Variants in PLCH2 observed in about 807,000 individuals in gnomAD.
PLCH2 encodes the protein phospholipase C eta 2, also known as 1-phosphatidylinositol 4,5-bisphosphate phosphodiesterase eta-2.
Under a neutral mutation model 134.7 loss-of-function variants are expected in PLCH2, and 98 were observed. The ratio of observed to expected loss-of-function variants is 0.73; its 90% confidence interval spans 0.62 to 0.86. PLCH2 has a LOEUF of 0.86. PLCH2 is among the 40% of genes least tolerant of loss of function. PLCH2 has a pLI of 0.00. For missense variants in PLCH2, 1,994 were observed against 1,986.6 expected (o/e 1.00, Z -0.07); for synonymous variants, 974 against 827.5 (o/e 1.18, Z -3.04).
chr1:2,448,896 C>T lies in PLCH2; in HGVS notation c.115+18267C>T, dbSNP rs1012202087. On this transcript the variant is annotated intron_variant, in intron 2 of 3. Transcript: ENST00000609981. The surrounding 1 kb of genome is among the most constrained non-coding windows in gnomAD (Gnocchi z 4.0). Reference sequence around the variant, plus strand: ...ACCACAAGTCACATCACTGCTGCCCCGGAAGGCACCTGGGGCCTCCAGAAT... The same window carrying T: ...ACCACAAGTCACATCACTGCTGCCCTGGAAGGCACCTGGGGCCTCCAGAAT... Among the ~76,000 whole-genome samples the T allele has an allele frequency of 2.6e-5, 4 of 152,196 alleles. No individual in the cohort carries two copies. The highest frequency in any genetic ancestry group is 7.2e-5 in the African/African-American group (3 of 41,444).
intron 2 of PLCH2, among the ~76,000 whole-genome samples, chr1:2,454,508 C>T (rs1196470419): frequency 6.6e-6 from 1 of 152,182 alleles, no homozygotes; most frequent in Non-Finnish European, 1.5e-5. Flanking sequence ...ACCTGCTACT[C>T]CCCAGGGGCT....
chr1:2,504,262 G>A lies in PLCH2; in HGVS notation c.3300G>A (p.Val1100=). The stretch of plus-strand genomic sequence containing the variant: ...GAAGGGTGAAGAGTGAGGGGCAGGT[G>A]CCCACGGAGCCCCTGGGAGGGTGGC... ...VIRRVKSEGQ[V]PTEPLGGWRP... is the part of the protein sequence containing the mutation. The change falls in exon 22 of 22, where the codon GTG becomes GTA. Residue 1100 remains valine, a synonymous_variant. Transcript: ENST00000378486. 6.3e-7 allele frequency: 1 copy of A among 1,591,422 alleles called. No individual in the cohort carries two copies. The highest frequency in any genetic ancestry group is 8.5e-7 in the Non-Finnish European group (1 of 1,170,720).
chr1:2,462,814 C>T (rs532337473), upstream of PLCH2, among the ~76,000 whole-genome samples: 1 of 152,268 alleles, frequency 6.6e-6, no homozygotes, highest in South Asian at 2.1e-4. Flanking sequence ...TAGCCACTGC[C>T]CAGGACAGGA....
chr1:2,437,273 G>A (rs1410785959), intron 2 of PLCH2, among the ~76,000 whole-genome samples: 3 of 152,120 alleles, frequency 2.0e-5, no homozygotes, highest in Non-Finnish European at 4.4e-5. Flanking sequence ...CCTCTTCTCT[G>A]AGCACGGACT....
Position 2,448,931 on chromosome 1 carries a change from G to A in PLCH2, c.115+18302G>A, listed in dbSNP as rs951111604. On this transcript the variant is annotated intron_variant, in intron 2 of 3. Transcript: ENST00000609981. The surrounding 1 kb of genome is among the most constrained non-coding windows in gnomAD (Gnocchi z 4.0). The stretch of plus-strand genomic sequence containing the variant: ...CTGGGGCCTCCAGAATGCTCGTTTC[G>A]TCAAACTGTTGTACGTGGCTCCTTT... Among the ~76,000 whole-genome samples, 7 of 152,212 alleles carry A rather than the reference G, an allele frequency of 4.6e-5. No homozygotes were observed. The highest frequency in any genetic ancestry group is 1.3e-4 in the Admixed American group (2 of 15,290).
Position 2,497,029 on chromosome 1 carries a change from C to T in PLCH2, c.2116+19C>T, listed in dbSNP as rs369857176. Reference sequence around the variant, plus strand: ...CAAATGGGTGGGTGCGGGCATGGTGCGCTGGGTGTGGTGGGGAGGGCTCGG... The same window carrying T: ...CAAATGGGTGGGTGCGGGCATGGTGTGCTGGGTGTGGTGGGGAGGGCTCGG... On this transcript the variant is annotated intron_variant, in intron 15 of 21. Transcript: ENST00000378486. 99 of 1,606,974 alleles carry T rather than the reference C, an allele frequency of 6.2e-5. No individual in the cohort carries two copies. The South Asian group carries it at 6.5e-4, about 11-fold the overall frequency.
chr1:2,467,433 C>T, upstream of PLCH2: 1 of 361,208 alleles, frequency 2.8e-6, no homozygotes, highest in Admixed American at 5.4e-5. Context: ...CCCGTCCCGC[C>T]TTCCCCTCGC....
intron 2 of PLCH2, among the ~76,000 whole-genome samples, chr1:2,431,151 T>C (rs1236460306): frequency 2.0e-5 from 3 of 152,022 alleles, no homozygotes; most frequent in Non-Finnish European, 2.9e-5. Context: ...CGTGTGCGTG[T>C]GTGTGTGTGT....
At chr1:2,455,312 C>T (rs1640437296) in intron 2 of PLCH2, among the ~76,000 whole-genome samples, 1 of 152,180 alleles carries the variant, frequency 6.6e-6, no homozygotes, top group African/African-American at 2.4e-5. Flanking sequence ...GTCCCTGTTC[C>T]CCGGCCTGGC....
In PLCH2 at chr1:2,476,632, C is replaced by T. The variant is rs777286891; in HGVS notation, c.44C>T (p.Thr15Met). 37 of 1,603,754 alleles carry T rather than the reference C, an allele frequency of 2.3e-5. No homozygotes were observed. Among genetic ancestry groups the T allele is most frequent in the South Asian group, 8.9e-5 (8 of 89,776 alleles). Residue 15 changes from threonine to methionine, a missense_variant, in exon 1 of 22, where the codon ACG (threonine) becomes ATG (methionine). Thr to Met is a moderately conservative substitution (Grantham distance 81). Transcript: ENST00000378486. The part of the protein sequence containing the change: ...WPSPDSRTKG[T>M]VAWLAEVLLW... ...TCCCCCGACAGCCGGACCAAGGGAA[C>T]GGTGGCCTGGCTGGCGGAGGTACTC... is the stretch of plus-strand genomic sequence containing the variant.
At chr1:2,446,775 C>T (rs764560419) in intron 2 of PLCH2, among the ~76,000 whole-genome samples, 8 of 152,064 alleles carry the variant, frequency 5.3e-5, no homozygotes, top group African/African-American at 1.4e-4. Context: ...GCAGAGGGGT[C>T]GGGGCCTGCA....
intron 2 of PLCH2, among the ~76,000 whole-genome samples, chr1:2,441,049 G>A (rs553986607): frequency 6.6e-6 from 1 of 152,320 alleles, no homozygotes; most frequent in Admixed American, 6.5e-5. Context: ...ATGGTTCAGA[G>A]GGCACTGCCC....
rs764570302 is a variant in PLCH2, at chr1:2,478,459, G to T, written c.125-17G>T. ...TGGCTGTGCCTCCGCTGACAGCCGT[G>T]TCTCTCCCGTGTCCAGTGGAGCGGT... On this transcript the variant is annotated splice_polypyrimidine_tract_variant and intron_variant, in intron 1 of 21. Transcript: ENST00000378486. The T allele has an allele frequency of 6.2e-7, 1 of 1,612,110 alleles. No homozygotes were observed. The highest frequency in any genetic ancestry group is 1.3e-5 in the African/African-American group (1 of 75,040).
At chr1:2,459,994 A>G (rs1346374736) in intron 2 of PLCH2, among the ~76,000 whole-genome samples, 1 of 152,076 alleles carries the variant, frequency 6.6e-6, no homozygotes, top group Non-Finnish European at 1.5e-5. Flanking sequence ...TTTGGCTCCA[A>G]GCGAGCACCC....
intron 2 of PLCH2, among the ~76,000 whole-genome samples, chr1:2,459,641 CTT>C (rs1640709489): frequency 2.1e-5 from 1 of 47,998 alleles, no homozygotes; most frequent in Non-Finnish European, 6.3e-5. Context: ...TGCCTGTGGT[CTT>C]CCTTTCCGGT....
Position 2,498,754 on chromosome 1 carries a change from C to A in PLCH2, c.2360C>A (p.Pro787His), listed in dbSNP as rs1190565225. The A allele has an allele frequency of 6.2e-7, 1 of 1,610,362 alleles. No individual in the cohort carries two copies. The highest frequency in any genetic ancestry group is 8.5e-7 in the Non-Finnish European group (1 of 1,178,802). ...ACTCCTGTGTCCCAGATCATCGACC[C>A]CTTTGTGGAGGTGGAGATCATTGGG... is the stretch of plus-strand genomic sequence containing the variant. ...MLGDRGEIID[P>H]FVEVEIIGLP... The change falls in exon 18 of 22, where the codon CCC (proline) becomes CAC (histidine). Residue 787 changes from proline to histidine, a missense_variant. Physicochemically the swap from Pro to His is moderately conservative, Grantham distance 77 (BLOSUM62 -2). This residue lies in a region of PLCH2 where 1,094 missense variants were observed against 1,234.3 expected (regional missense o/e 0.89). Transcript: ENST00000378486. The surrounding 1 kb of genome is among the most constrained non-coding windows in gnomAD (Gnocchi z 5.4).
chr1:2,504,052 GC>G lies in PLCH2; in HGVS notation c.3095del (p.Pro1032HisfsTer14). 6.5e-7 allele frequency: 1 copy of G among 1,547,592 alleles called. No individual in the cohort carries two copies. The highest frequency in any genetic ancestry group is 2.0e-5 in the Admixed American group (1 of 50,630). Reference protein sequence around the residue: ...AVPTSSSQGRPPYPTGPGANV... With the variant: ...AVPTSSSQGRXPYPTGPGANV... ...TCCCCACCAGCTCTTCTCAGGGACG[GC>G]CCCCATACCCCACAGGACCCGGAGC... On this transcript the variant is annotated frameshift_variant, in exon 22 of 22. Coordinates refer to ENST00000378486, the MANE Select transcript of PLCH2 (RefSeq NM_014638.4). LOFTEE classifies it high-confidence loss of function.
At chr1:2,472,243 C>T (rs1641358880), upstream of PLCH2, among the ~76,000 whole-genome samples, 1 of 152,214 alleles carries the variant, frequency 6.6e-6, no homozygotes, top group African/African-American at 2.4e-5. Flanking sequence ...ATAATCTCCG[C>T]CATATGTGTG....
intron 2 of PLCH2, among the ~76,000 whole-genome samples, chr1:2,462,288 A>ACCTGACACCCCTCTG (rs1640854801): frequency 3.4e-5 from 1 of 29,484 alleles, no homozygotes; most frequent in Non-Finnish European, 6.3e-5. Flanking sequence ...TACCCCCTCC[A>ACCTGACACCCCTCTG]CCTGACACCC....
Sources: gnomAD v4.1 joint callset for allele counts (sites outside exome capture counted in the v4.1 genomes callset) on GRCh38, gnomAD v4.1.1 for gene constraint, gnomAD v4.1.1 regional missense constraint, Gnocchi (gnomAD v3.1) non-coding constraint, MANE v1.5 for transcripts, NCBI Gene and HGNC (gene_info 2026-07-23, HGNC 2026-07-21) for gene names.